The following SEPHS2 variants were observed in gnomAD, a reference collection of about 807,000 sequenced individuals.
The protein encoded by SEPHS2 is selenide, water dikinase 2.
In SEPHS2, 11 loss-of-function variants were observed where a neutral mutation model predicts 23.9. That is an observed-to-expected ratio of 0.46 (90% confidence interval 0.29 to 0.76). The LOEUF (loss-of-function observed/expected upper bound fraction) is 0.76. SEPHS2 is among the 30% of genes least tolerant of loss of function. SEPHS2 has a pLI of 0.10. For missense variants in SEPHS2, 541 were observed against 592.5 expected, an observed-to-expected ratio of 0.91 and a Z score of 0.90; for synonymous variants, 239 against 247.5, an observed-to-expected ratio of 0.97 and a Z score of 0.32.
Position 30,445,673 on chromosome 16 carries a change from C to T in SEPHS2, c.55G>A (p.Gly19Ser). 1.3e-6 allele frequency: 2 copies of T among 1,536,558 alleles called. No homozygotes were observed. The highest frequency in any genetic ancestry group is 2.5e-5 in the East Asian group (1 of 40,656). ...ACGEAMAAAE[G>S]SSGPAGLTLG... ...GTCAAGCCCGCCGGGCCCGAGGAGCCTTCCGCCGCTGCCATCGCCTCTCCG... is the reference window on the plus strand; with the variant it reads ...GTCAAGCCCGCCGGGCCCGAGGAGCTTTCCGCCGCTGCCATCGCCTCTCCG... The change falls in exon 1 of 1, where the codon GGC (glycine) becomes AGC (serine). Residue 19 changes from glycine (G) to serine (S), a missense_variant. By Grantham distance (56) the Gly-to-Ser change is moderately conservative (BLOSUM62 0). Transcript: ENST00000478753.
rs1266517832 is a variant in SEPHS2, at chr16:30,444,021, T to TTG, written c.*358_*359dup. On this transcript the variant is annotated 3_prime_UTR_variant, in exon 1 of 1. Coordinates refer to ENST00000478753, the MANE Select transcript of SEPHS2 (RefSeq NM_012248.4). The surrounding 1 kb of genome is among the most constrained non-coding windows in gnomAD (Gnocchi z 4.0). ...AATTTTTTTCATTTTGCAATTTACTTTGTGTGTGTGTTACTTTAATAATCT... is the reference window on the plus strand; with the variant it reads ...AATTTTTTTCATTTTGCAATTTACTTTGTGTGTGTGTGTTACTTTAATAATCT... 1.6e-5 allele frequency: 3 copies of TTG among 182,644 alleles called. No individual in the cohort carries two copies. Among genetic ancestry groups the TTG allele is most frequent in the Non-Finnish European group, 2.3e-5 (2 of 88,834 alleles). 11.3% of individuals were successfully genotyped at this position (182,644 alleles called of 1,614,324 possible).
In SEPHS2 at chr16:30,444,801, A is replaced by C. The variant is rs2050270607; in HGVS notation, c.927T>G (p.Phe309Leu). 1 of 1,613,988 alleles carries C rather than the reference A, an allele frequency of 6.2e-7. No homozygotes were observed. Among genetic ancestry groups the C allele is most frequent in the South Asian group, 1.1e-5 (1 of 91,068 alleles). Reference protein sequence around the residue: ...NRTAAGLMHTFNAHAATDITG... With the variant: ...NRTAAGLMHTLNAHAATDITG... ...TGATATCTGTGGCCGCATGGGCATT[A>C]AATGTGTGCATTAAACCTGCAGCAG... Residue 309 changes from phenylalanine to leucine, a missense_variant, in exon 1 of 1, where the codon TTT becomes TTG. By Grantham distance (22) the Phe-to-Leu change is conservative. Around this residue, in one of 3 missense-constraint regions of SEPHS2, gnomAD observed 224 missense variants for 237.4 expected, o/e 0.94. Transcript: ENST00000478753. This position sits in a 1 kb window ranked among gnomAD's most constrained non-coding sequence, Gnocchi z 4.0.
Position 30,445,261 on chromosome 16 carries a change from G to A in SEPHS2, c.467C>T (p.Ala156Val). The A allele has an allele frequency of 6.2e-7, 1 of 1,614,196 alleles. No individual in the cohort carries two copies. Among genetic ancestry groups the A allele is most frequent in the Non-Finnish European group, 8.5e-7 (1 of 1,180,034 alleles). Residue 156 changes from alanine to valine, a missense_variant, in exon 1 of 1, where the codon GCC becomes GTC. Around this residue, in one of 3 missense-constraint regions of SEPHS2, gnomAD observed 110 missense variants for 173.0 expected, o/e 0.64. Transcript: ENST00000478753. ...GGCGTAGAGGTCACTCAGCACGTTG[G>A]CACAAGCTATGCGCCCCATCATGTA... ...DPYMMGRIAC[A>V]NVLSDLYAMG...
At position 30,445,608 on chromosome 16, in the gene SEPHS2, G is replaced by T. The variant is rs1468080764; in HGVS notation, c.120C>A (p.Pro40=). The stretch of plus-strand genomic sequence containing the variant: ...AGCTCGGGCTGAGGCCCAACGCCTG[G>T]GGCTCGAAGGGCCGGTAGTTCGAGA... ...RSFSNYRPFE[P]QALGLSPSWR... Residue 40 remains proline (P), a synonymous_variant, in exon 1 of 1, where the codon CCC becomes CCA. Transcript: ENST00000478753. 3.2e-6 allele frequency: 5 copies of T among 1,538,950 alleles called. No homozygotes were observed. In the East Asian group the frequency reaches 1.2e-4, roughly 37 times the overall value.
Position 30,443,680 on chromosome 16 carries a change from T to C in SEPHS2, c.*701A>G, listed in dbSNP as rs2050264964. 6.6e-6 allele frequency: 1 copy of C among 152,666 alleles called. No individual in the cohort carries two copies. The allele number at this position is 152,666 out of a possible 1,614,324, so 9.5% of individuals were successfully genotyped here. A position where few individuals can be genotyped will look rare whatever the true frequency, so the allele number is the denominator to read the frequency against. ...ATTTATTTAGCAAGAAATTACTCTT[T>C]ATTGATCAAATCACCAGGAATCTGC... is the stretch of plus-strand genomic sequence containing the variant. On this transcript the variant is annotated 3_prime_UTR_variant, in exon 1 of 1. Transcript: ENST00000478753.
Position 30,444,641 on chromosome 16 carries a change from G to A in SEPHS2, c.1087C>T (p.Leu363Phe), listed in dbSNP as rs2050269647. ...VSKASGRFGL[L>F]QGTSAETSGG... Reference sequence around the variant, plus strand: ...GAGGTTTCAGCTGAGGTTCCTTGAAGAAGCCCAAACCGTCCACTGGCCTTG... The same window carrying A: ...GAGGTTTCAGCTGAGGTTCCTTGAAAAAGCCCAAACCGTCCACTGGCCTTG... Residue 363 changes from leucine (L) to phenylalanine (F), a missense_variant, in exon 1 of 1, where the codon CTT becomes TTT. By Grantham distance (22) the Leu-to-Phe change is conservative. Around this residue, in one of 3 missense-constraint regions of SEPHS2, gnomAD observed 224 missense variants for 237.4 expected, o/e 0.94. Coordinates refer to ENST00000478753, the MANE Select transcript of SEPHS2 (RefSeq NM_012248.4). This position sits in a 1 kb window ranked among gnomAD's most constrained non-coding sequence, Gnocchi z 4.0. 2.5e-6 allele frequency: 4 copies of A among 1,614,026 alleles called. No individual in the cohort carries two copies. In the East Asian group the frequency reaches 6.7e-5, roughly 27 times the overall value.
Position 30,444,445 on chromosome 16 carries a change from C to A in SEPHS2, c.1283G>T (p.Arg428Leu). The change falls in exon 1 of 1, where the codon CGT (arginine) becomes CTT (leucine). Residue 428 changes from arginine (R) to leucine (L), a missense_variant. By Grantham distance (102) the Arg-to-Leu change is moderately radical (BLOSUM62 -2). Transcript: ENST00000478753. This position sits in a 1 kb window ranked among gnomAD's most constrained non-coding sequence, Gnocchi z 4.0. ...AGCAAGAACAGCAGCTGTGGCCCCA[C>A]GAGGCAGGACTTCAATAACTCGCGG... ...DKPRVIEVLP[R>L]GATAAVLAPD... 3 of 1,604,696 alleles carry A rather than the reference C, an allele frequency of 1.9e-6. No homozygotes were observed. The highest frequency in any genetic ancestry group is 2.6e-6 in the Non-Finnish European group (3 of 1,172,946).
rs1236101679 is a variant in SEPHS2 at position 30,445,225 on chromosome 16, G to C, written c.503C>G (p.Thr168Ser). 2 of 1,614,142 alleles carry C rather than the reference G, an allele frequency of 1.2e-6. No homozygotes were observed. Among genetic ancestry groups the C allele is most frequent in the African/African-American group, 1.3e-5 (1 of 74,950 alleles). The change falls in exon 1 of 1, where the codon ACT becomes AGT. Residue 168 changes from threonine to serine, a missense_variant. Thr to Ser is a moderately conservative substitution (Grantham distance 58). Around this residue, in one of 3 missense-constraint regions of SEPHS2, gnomAD observed 110 missense variants for 173.0 expected, o/e 0.64. Transcript: ENST00000478753. ...VLSDLYAMGI[T>S]ECDNMLMLLS... is the part of the protein sequence containing the mutation. ...TAACATCAACATGTTGTCACACTCA[G>C]TAATCCCCATGGCGTAGAGGTCACT...
chr16:30,444,689 T>C lies in SEPHS2; in HGVS notation c.1039A>G (p.Ile347Val), dbSNP rs781424597. ...VSFVIHNLPI[I>V]AKMAAVSKAS... Reference sequence around the variant, plus strand: ...TTGCTGACGGCAGCCATCTTGGCAATTATTGGCAGATTATGAATAACAAAG... The same window carrying C: ...TTGCTGACGGCAGCCATCTTGGCAACTATTGGCAGATTATGAATAACAAAG... Residue 347 changes from isoleucine to valine, a missense_variant, in exon 1 of 1, where the codon ATT becomes GTT. Ile to Val is a conservative substitution (Grantham distance 29). Around this residue, in one of 3 missense-constraint regions of SEPHS2, gnomAD observed 224 missense variants for 237.4 expected, o/e 0.94. Coordinates refer to ENST00000478753, the MANE Select transcript of SEPHS2 (RefSeq NM_012248.4). This position sits in a 1 kb window ranked among gnomAD's most constrained non-coding sequence, Gnocchi z 4.0. 4 of 1,609,238 alleles carry C rather than the reference T, an allele frequency of 2.5e-6. No homozygotes were observed. The highest frequency in any genetic ancestry group is 3.4e-6 in the Non-Finnish European group (4 of 1,176,442).
rs2050277071 is a variant in SEPHS2 at position 30,445,617 on chromosome 16, G to A, written c.111C>T (p.Pro37=). 1.3e-6 allele frequency: 2 copies of A among 1,537,176 alleles called. No homozygotes were observed. The highest frequency in any genetic ancestry group is 2.4e-5 in the East Asian group (1 of 41,098). ...TLGRSFSNYR[P]FEPQALGLSP... ...TGAGGCCCAACGCCTGGGGCTCGAA[G>A]GGCCGGTAGTTCGAGAAGCTCCGGC... is the stretch of plus-strand genomic sequence containing the variant. Residue 37 remains proline (P), a synonymous_variant, in exon 1 of 1, where the codon CCC becomes CCT. Transcript: ENST00000478753.
rs990740829 is a variant in SEPHS2 at position 30,445,462 on chromosome 16, A to G, written c.266T>C (p.Leu89Pro). Residue 89 changes from leucine (L) to proline (P), a missense_variant, in exon 1 of 1, where the codon CTG (leucine) becomes CCG (proline). By Grantham distance (98) the Leu-to-Pro change is moderately conservative (BLOSUM62 -3). Coordinates refer to ENST00000478753, the MANE Select transcript of SEPHS2 (RefSeq NM_012248.4). ...PDVRPPLGRG[L>P]VGGQEEASQE... ...GGACGCCTCTTCCTGGCCACCCACC[A>G]GGCCCCGGCCCAGCGGGGGCCGCAC... The G allele has an allele frequency of 3.2e-6, 5 of 1,547,798 alleles. No homozygotes were observed. Among genetic ancestry groups the G allele is most frequent in the Admixed American group, 1.9e-5 (1 of 51,586 alleles).
rs776777571 is a variant in SEPHS2 at position 30,444,975 on chromosome 16, G to T, written c.753C>A (p.Thr251=). The change falls in exon 1 of 1, where the codon ACC becomes ACA. Residue 251 remains threonine (T), a synonymous_variant. Transcript: ENST00000478753. This position sits in a 1 kb window ranked among gnomAD's most constrained non-coding sequence, Gnocchi z 4.0. The part of the protein sequence containing the change: ...SAVVGDVLVL[T]KPLGTQVAVN... ...CAGCAACCTGGGTTCCTAACGGTTTGGTTAACACCAGCACGTCCCCAACGA... is the reference window on the plus strand; with the variant it reads ...CAGCAACCTGGGTTCCTAACGGTTTTGTTAACACCAGCACGTCCCCAACGA... The T allele has an allele frequency of 5.6e-6, 9 of 1,614,016 alleles. 1 individual carries two copies. In the South Asian group the frequency reaches 9.9e-5, roughly 18 times the overall value.
At position 30,445,667 on chromosome 16, in the gene SEPHS2, A is replaced by G. The variant is rs1672075916; in HGVS notation, c.61T>C (p.Ser21Pro). The G allele has an allele frequency of 3.9e-6, 6 of 1,535,728 alleles. No homozygotes were observed. Among genetic ancestry groups the G allele is most frequent in the Non-Finnish European group, 5.2e-6 (6 of 1,145,720 alleles). ...CCCAGAGTCAAGCCCGCCGGGCCCG[A>G]GGAGCCTTCCGCCGCTGCCATCGCC... ...GEAMAAAEGS[S>P]GPAGLTLGRS... is the part of the protein sequence containing the mutation. The change falls in exon 1 of 1, where the codon TCG (serine) becomes CCG (proline). Residue 21 changes from serine (S) to proline (P), a missense_variant. Ser to Pro is a moderately conservative substitution (Grantham distance 74). Coordinates refer to ENST00000478753, the MANE Select transcript of SEPHS2 (RefSeq NM_012248.4).
chr16:30,445,109 C>G lies in SEPHS2; in HGVS notation c.619G>C (p.Gly207Arg), dbSNP rs769958254. 4 of 1,602,770 alleles carry G rather than the reference C, an allele frequency of 2.5e-6. No individual in the cohort carries two copies. Among genetic ancestry groups the G allele is most frequent in the African/African-American group, 1.3e-5 (1 of 74,834 alleles). ...KGFRDAAEEG[G>R]TAVTGGQTVV... The stretch of plus-strand genomic sequence containing the variant: ...GTTTGCCCACCGGTCACTGCCGTCC[C>G]TCCTTCCTCAGCCGCATCCCGAAAG... The change falls in exon 1 of 1, where the codon GGG becomes CGG. Residue 207 changes from glycine to arginine, a missense_variant. Gly to Arg is a moderately radical substitution (Grantham distance 125, BLOSUM62 -2). This residue lies in a region of SEPHS2 where 110 missense variants were observed against 173.0 expected (regional missense o/e 0.64). Coordinates refer to ENST00000478753, the MANE Select transcript of SEPHS2 (RefSeq NM_012248.4).
Position 30,445,273 on chromosome 16 carries a change from C to A in SEPHS2, c.455G>T (p.Arg152Leu). The A allele has an allele frequency of 6.2e-7, 1 of 1,614,224 alleles. No individual in the cohort carries two copies. Among genetic ancestry groups the A allele is most frequent in the Non-Finnish European group, 8.5e-7 (1 of 1,180,048 alleles). Residue 152 changes from arginine (R) to leucine (L), a missense_variant, in exon 1 of 1, where the codon CGC becomes CTC. Transcript: ENST00000478753. ...PLVEDPYMMGRIACANVLSDL... is the reference protein window; with the variant it reads ...PLVEDPYMMGLIACANVLSDL... Reference sequence around the variant, plus strand: ...ACTCAGCACGTTGGCACAAGCTATGCGCCCCATCATGTAGGGATCTTCTAC... The same window carrying A: ...ACTCAGCACGTTGGCACAAGCTATGAGCCCCATCATGTAGGGATCTTCTAC...
At position 30,445,321 on chromosome 16, in the gene SEPHS2, G is replaced by A; in HGVS notation, c.407C>T (p.Thr136Ile). Residue 136 changes from threonine (T) to isoleucine (I), a missense_variant, in exon 1 of 1, where the codon ACC becomes ATC. Physicochemically the swap from Thr to Ile is moderately conservative, Grantham distance 89 (BLOSUM62 -1). Transcript: ENST00000478753. The stretch of plus-strand genomic sequence containing the variant: ...TACCAAGGGGTAAAAGAAGTCCGTG[G>A]TCTGCACCAGTGACAGGCCCCCGTG... ...LRHGGLSLVQTTDFFYPLVED... is the reference protein window; with the variant it reads ...LRHGGLSLVQITDFFYPLVED... 1 of 1,613,976 alleles carries A rather than the reference G, an allele frequency of 6.2e-7. No homozygotes were observed. Among genetic ancestry groups the A allele is most frequent in the Non-Finnish European group, 8.5e-7 (1 of 1,179,942 alleles).
rs563887129 is a variant in SEPHS2 at position 30,445,730 on chromosome 16, C to G, written c.-3G>C. ...CCCGTCGCCGAGGCTTCCGCCATGG[C>G]GCCTGCCCGGCAGGGAAGCGAGAGG... On this transcript the variant is annotated 5_prime_UTR_variant, in exon 1 of 1. Transcript: ENST00000478753. 13 of 1,541,430 alleles carry G rather than the reference C, an allele frequency of 8.4e-6. No individual in the cohort carries two copies. The African/African-American group carries it at 1.7e-4, about 20-fold the overall frequency.
Position 30,445,367 on chromosome 16 carries a change from A to G in SEPHS2, c.361T>C (p.Ser121Pro). The G allele has an allele frequency of 6.2e-7, 1 of 1,610,740 alleles. No individual in the cohort carries two copies. The highest frequency in any genetic ancestry group is 8.5e-7 in the Non-Finnish European group (1 of 1,178,722). ...TFPALGIGMD[S>P]CVIPLRHGGL... ...CCGTGCCTCAGGGGGATGACGCAGG[A>G]GTCCATCCCGATGCCCAGGGCTGGA... The change falls in exon 1 of 1, where the codon TCC (serine) becomes CCC (proline). Residue 121 changes from serine to proline, a missense_variant. Ser to Pro is a moderately conservative substitution (Grantham distance 74). This residue lies in a region of SEPHS2 where 207 missense variants were observed against 182.2 expected (regional missense o/e 1.14). Coordinates refer to ENST00000478753, the MANE Select transcript of SEPHS2 (RefSeq NM_012248.4).
At position 30,444,719 on chromosome 16, in the gene SEPHS2, C is replaced by T; in HGVS notation, c.1009G>A (p.Val337Met). The change falls in exon 1 of 1, where the codon GTG (valine) becomes ATG (methionine). Residue 337 changes from valine (V) to methionine (M), a missense_variant. Val to Met is a conservative substitution (Grantham distance 21). This residue lies in a region of SEPHS2 where 224 missense variants were observed against 237.4 expected (regional missense o/e 0.94). Coordinates refer to ENST00000478753, the MANE Select transcript of SEPHS2 (RefSeq NM_012248.4). This position sits in a 1 kb window ranked among gnomAD's most constrained non-coding sequence, Gnocchi z 4.0. Reference sequence around the variant, plus strand: ...GGCAGATTATGAATAACAAAGGACACTTCATTTCTTTGTTGTTTTGCAAGG... The same window carrying T: ...GGCAGATTATGAATAACAAAGGACATTTCATTTCTTTGTTGTTTTGCAAGG... ...QNLAKQQRNE[V>M]SFVIHNLPII... 1 of 1,604,670 alleles carries T rather than the reference C, an allele frequency of 6.2e-7. No homozygotes were observed. The highest frequency in any genetic ancestry group is 1.1e-5 in the South Asian group (1 of 90,588).
Sources: gnomAD v4.1 joint callset for allele counts on GRCh38, gnomAD v4.1.1 for gene constraint, gnomAD v4.1.1 regional missense constraint, Gnocchi (gnomAD v3.1) non-coding constraint, MANE v1.5 for transcripts, NCBI Gene and HGNC (gene_info 2026-07-23, HGNC 2026-07-21) for gene names.